The following DNAH12 variants were observed in gnomAD, a reference collection of about 807,000 sequenced individuals.
The protein encoded by DNAH12 is dynein axonemal heavy chain 12, also known as axonemal beta dynein heavy chain 12.
A neutral mutation model predicts 371.5 loss-of-function variants in DNAH12; 285 were observed. The ratio of observed to expected loss-of-function variants is 0.77; its 90% CI spans 0.70 to 0.85. DNAH12 has a LOEUF of 0.85. DNAH12 is among the 40% of genes least tolerant of loss of function. The pLI is 0.00. For synonymous variants in DNAH12, 1,200 were observed against 1,213.0 expected (o/e 0.99, Z 0.22); for missense variants, 3,611 against 3,689.4 (o/e 0.98, Z 0.55).
chr3:57,506,028 G>T (rs1021310037), intron 8 of DNAH12, among the ~76,000 whole-genome samples: 1 of 152,128 alleles, frequency 6.6e-6, no homozygotes, highest in African/African-American at 2.4e-5. Context: ...TTACAGGCGT[G>T]AGCCACCACA....
At chr3:57,342,687 A>G (rs1482396872) in intron 60 of DNAH12, among the ~76,000 whole-genome samples, 1 of 150,860 alleles carries the variant, frequency 6.6e-6, no homozygotes, top group Non-Finnish European at 1.5e-5. Context: ...AGAAAAGAAA[A>G]TATTTGTAAA....
chr3:57,427,954 A>C (rs2064834159), intron 34 of DNAH12, among the ~76,000 whole-genome samples: 1 of 150,766 alleles, frequency 6.6e-6, no homozygotes, highest in South Asian at 2.1e-4. Flanking sequence ...TCTGAGACGG[A>C]GTCTTGCTCT....
intron 59 of DNAH12, among the ~76,000 whole-genome samples, chr3:57,352,820 G>A (rs2062710931): frequency 6.6e-6 from 1 of 152,128 alleles, no homozygotes; most frequent in Non-Finnish European, 1.5e-5. Flanking sequence ...CAGGCGCAGT[G>A]TCTCCTGCTT....
At position 57,394,319 on chromosome 3, in the gene DNAH12, T is replaced by C. The variant is rs1434092587; in HGVS notation, c.6962A>G (p.Asn2321Ser). The C allele has an allele frequency of 1.3e-5, 2 of 152,230 alleles. No homozygotes were observed. The highest frequency in any genetic ancestry group is 2.9e-5 in the Non-Finnish European group (2 of 68,070). The allele number at this position is 152,230 out of a possible 1,614,324, so 9.4% of individuals were successfully genotyped here. Residue 2321 changes from asparagine (N) to serine (S), a missense_variant, in exon 44 of 74, where the codon AAT becomes AGT. Transcript: ENST00000495027. ...WREDMKGLLR[N>S]VGMKGQKTVF... ...GGTCTTCTGGCCCTTCATGCCCACA[T>C]TCCTTAACAGACCCTTAAAATAAAA...
intron 45 of DNAH12, among the ~76,000 whole-genome samples, chr3:57,390,731 CT>C (rs1182581198): frequency 2.0e-5 from 3 of 151,782 alleles, no homozygotes; most frequent in Admixed American, 1.3e-4. Context: ...AGGCAGTGGC[CT>C]TCATCATTTG....
Position 57,323,455 on chromosome 3 carries a change from G to A in DNAH12, c.10129+14C>T. On this transcript the variant is annotated intron_variant, in intron 63 of 73. Transcript: ENST00000495027. The stretch of plus-strand genomic sequence containing the variant: ...ATTTATGATTTCTTAAAAGTTTACA[G>A]TATATGCACTTACTGGCCATAGGAT... 1 of 1,536,578 alleles carries A rather than the reference G, an allele frequency of 6.5e-7. No individual in the cohort carries two copies. Among genetic ancestry groups the A allele is most frequent in the Non-Finnish European group, 8.8e-7 (1 of 1,142,300 alleles).
chr3:57,342,484 CAAAAAAAAAAA>C (rs71088060), intron 60 of DNAH12, among the ~76,000 whole-genome samples: 60 of 66,052 alleles, frequency 9.1e-4, no homozygotes, highest in East Asian at 5.6e-3. Context: ...ACTAAAAATA[CAAAAAAAAAAA>C]AAAAAAAAAA....
At chr3:57,427,138 A>ATGTGTGTGTGTGTGTG (rs71088070) in intron 34 of DNAH12, among the ~76,000 whole-genome samples, 2,988 of 138,786 alleles carry the variant, frequency 0.022, 71 homozygotes, top group South Asian at 0.031. Flanking sequence ...TAAGAAGCGA[A>ATGTGTGTGTGTGTGTG]TGTGTGTGTG....
intron 34 of DNAH12, among the ~76,000 whole-genome samples, chr3:57,426,725 T>C (rs542535186): frequency 6.6e-6 from 1 of 151,400 alleles, no homozygotes; most frequent in African/African-American, 2.4e-5. Flanking sequence ...TAATTGTGCC[T>C]GTAATCCCAG....
At chr3:57,430,303 G>A (rs2064917803) in intron 32 of DNAH12, among the ~76,000 whole-genome samples, 5 of 152,020 alleles carry the variant, frequency 3.3e-5, no homozygotes, top group Admixed American at 3.3e-4. Flanking sequence ...AAATGCCTAT[G>A]TTTCCAAAAA....
chr3:57,309,124 T>A, intron 69 of DNAH12, 27 bp downstream of exon 69: 1 of 1,471,808 alleles, frequency 6.8e-7, no homozygotes, highest in Non-Finnish European at 9.1e-7. Flanking sequence ...AGTTGCCTTC[T>A]GAATCACTGG....
At chr3:57,301,689 C>G in intron 70 of DNAH12, 46 bp downstream of exon 70, 1 of 488,416 alleles carries the variant, frequency 2.0e-6, no homozygotes, top group South Asian at 4.1e-5. Flanking sequence ...CACACACACA[C>G]ACACACACAC....
At chr3:57,429,644 G>A (rs990968232) in intron 33 of DNAH12, 47 bp downstream of exon 33, 12 of 1,474,552 alleles carry the variant, frequency 8.1e-6, no homozygotes, top group Non-Finnish European at 1.1e-5. Context: ...CTAAATTAAA[G>A]AATGAAGAAA....
chr3:57,539,789 A>AT (rs915381795), intron 2 of DNAH12, among the ~76,000 whole-genome samples: 22 of 149,626 alleles, frequency 1.5e-4, no homozygotes, highest in African/African-American at 3.7e-4. Context: ...AATTTTTTGT[A>AT]TTTTTTTTAG....
At chr3:57,450,340 G>A (rs2065722628) in intron 25 of DNAH12, among the ~76,000 whole-genome samples, 1 of 151,084 alleles carries the variant, frequency 6.6e-6, no homozygotes, top group Non-Finnish European at 1.5e-5. Context: ...CCTGAGGTAG[G>A]GAGTTTGAGA....
chr3:57,419,674 A>T (rs1176309121), intron 36 of DNAH12, among the ~76,000 whole-genome samples, 156 bp from the exon 37 acceptor site: 1 of 152,218 alleles, frequency 6.6e-6, no homozygotes, highest in Non-Finnish European at 1.5e-5. Flanking sequence ...CACATATAGC[A>T]TATTTTAAGT....
At chr3:57,389,935 A>T (rs1179706283) in intron 45 of DNAH12, among the ~76,000 whole-genome samples, 2 of 149,062 alleles carry the variant, frequency 1.3e-5, no homozygotes, top group African/African-American at 4.9e-5. Context: ...TCCTGGGTTC[A>T]AGCAATTCTC....
chr3:57,388,454 C>A (rs1049843441), intron 45 of DNAH12, among the ~76,000 whole-genome samples: 1 of 151,590 alleles, frequency 6.6e-6, no homozygotes, highest in Non-Finnish European at 1.5e-5. Context: ...CATTTTAAGA[C>A]CATTTTTTTT....
chr3:57,453,147 T>TA, intron 24 of DNAH12, 100 bp downstream of exon 24: 7 of 1,465,322 alleles, frequency 4.8e-6, no homozygotes, highest in Non-Finnish European at 5.4e-6. Context: ...AAGATTGTGT[T>TA]AAAAAAATTC....
Sources: allele counts gnomAD v4.1 joint callset (sites outside exome capture counted in the v4.1 genomes callset), GRCh38; gene constraint gnomAD v4.1.1; transcripts MANE v1.5; gene names NCBI Gene and HGNC (gene_info 2026-07-23, HGNC 2026-07-21).